SLC24A2: variants seen among roughly 807,000 people sequenced by gnomAD.
SLC24A2 encodes solute carrier family 24 member 2, also known as sodium/potassium/calcium exchanger 2.
SLC24A2 carries 36 observed loss-of-function variants against 62.0 expected under a neutral mutation model. The observed-to-expected ratio is 0.58, with a 90% CI of 0.44 to 0.77. SLC24A2 has a LOEUF of 0.77. SLC24A2 is among the 30% of genes least tolerant of loss of function. SLC24A2 has a pLI of 0.00. For missense variants in SLC24A2, 846 were observed against 817.9 expected, an observed-to-expected ratio of 1.03 and a Z score of -0.42; for synonymous variants, 358 against 294.0, an observed-to-expected ratio of 1.22 and a Z score of -2.23.
chr9:20,277,290 G>C, the SLC24A2 span, among the ~76,000 whole-genome samples: 2 of 152,052 alleles, frequency 1.3e-5, no homozygotes, highest in East Asian at 3.8e-4. Context: ...CCATCAGAGT[G>C]AACAGGCAAC....
rs761922161 is a variant in SLC24A2 at position 19,786,611 on chromosome 9, T to C, written c.256A>G (p.Thr86Ala). Reference sequence around the variant, plus strand: ...ATCTTGTCATTTAAATCTAAGAGAGTTCTCTGATGGTAACCCTGTGCTACC... The same window carrying C: ...ATCTTGTCATTTAAATCTAAGAGAGCTCTCTGATGGTAACCCTGTGCTACC... ...PRVAQGYHQRTLLDLNDKILD... is the reference protein window; with the variant it reads ...PRVAQGYHQRALLDLNDKILD... The change falls in exon 2 of 11, where the codon ACT (threonine) becomes GCT (alanine). Residue 86 changes from threonine (T) to alanine (A), a missense_variant. By Grantham distance (58) the Thr-to-Ala change is moderately conservative (BLOSUM62 0). Transcript: ENST00000341998. The surrounding 1 kb of genome is among the most constrained non-coding windows in gnomAD (Gnocchi z 5.0). 1 of 1,613,976 alleles carries C rather than the reference T, an allele frequency of 6.2e-7. No individual in the cohort carries two copies.
chr9:19,957,314 A>C, the SLC24A2 span: 1 of 152,318 alleles, frequency 6.6e-6, no homozygotes, highest in African/African-American at 2.4e-5. Flanking sequence ...TAAGATGAAA[A>C]AGGAGTAGCG....
chr9:20,271,323 T>C, the SLC24A2 span, among the ~76,000 whole-genome samples: 1 of 152,238 alleles, frequency 6.6e-6, no homozygotes, highest in African/African-American at 2.4e-5. Context: ...CACCAACAGA[T>C]GTCTGGGGAG....
chr9:20,061,951 C>T, the SLC24A2 span, among the ~76,000 whole-genome samples: 1 of 152,118 alleles, frequency 6.6e-6, no homozygotes, highest in Middle Eastern at 3.2e-3. Context: ...AGCCTTGTAT[C>T]TAGCCTGAGC....
chr9:19,540,362 T>G (rs1834190252), intron 8 of SLC24A2, among the ~76,000 whole-genome samples: 1 of 145,816 alleles, frequency 6.9e-6, no homozygotes, highest in Non-Finnish European at 1.5e-5. Context: ...CCTTTCCATG[T>G]TTAGTGCTTC....
the SLC24A2 span, among the ~76,000 whole-genome samples, chr9:19,828,012 G>A: frequency 7.2e-5 from 11 of 152,140 alleles, no homozygotes; most frequent in Non-Finnish European, 1.0e-4. Flanking sequence ...AGAAAGCAGC[G>A]AGGGATTAAT....
intron 2 of SLC24A2, among the ~76,000 whole-genome samples, chr9:19,684,052 C>A (rs1234327291): frequency 6.6e-6 from 1 of 152,108 alleles, no homozygotes; most frequent in African/African-American, 2.4e-5. Flanking sequence ...GAAAGAAAAT[C>A]AAGAATTGGG....
intron 2 of SLC24A2, chr9:19,705,603 C>A: frequency 4.4e-6 from 1 of 229,026 alleles, no homozygotes. Context: ...AGCCACAGCT[C>A]AAAAGGCAAA....
chr9:19,828,240 T>C, the SLC24A2 span, among the ~76,000 whole-genome samples: 1 of 152,104 alleles, frequency 6.6e-6, no homozygotes, highest in East Asian at 1.9e-4. Context: ...TGACCATCGT[T>C]TGCAATAATT....
chr9:19,633,345 A>T (rs1184902181), intron 2 of SLC24A2, among the ~76,000 whole-genome samples: 1 of 152,214 alleles, frequency 6.6e-6, no homozygotes, highest in Non-Finnish European at 1.5e-5. Flanking sequence ...ATACAATAAG[A>T]CCATGCTTTT....
At chr9:19,661,756 G>A (rs1819108369) in intron 2 of SLC24A2, among the ~76,000 whole-genome samples, 1 of 152,162 alleles carries the variant, frequency 6.6e-6, no homozygotes, top group Non-Finnish European at 1.5e-5. Flanking sequence ...CATCAAAAAT[G>A]ACAGATTAGG....
chr9:20,283,920 G>T, the SLC24A2 span, among the ~76,000 whole-genome samples: 24 of 152,144 alleles, frequency 1.6e-4, no homozygotes, highest in South Asian at 4.2e-4. Context: ...TCCTTTTTCC[G>T]GTGGCATGTG....
the SLC24A2 span, among the ~76,000 whole-genome samples, chr9:20,177,880 C>T: frequency 2.0e-5 from 3 of 152,068 alleles, no homozygotes; most frequent in African/African-American, 4.8e-5. Flanking sequence ...AAAACTGAGT[C>T]ACTGAGAAAT....
At chr9:20,077,499 C>T in the SLC24A2 span, among the ~76,000 whole-genome samples, 7 of 152,088 alleles carry the variant, frequency 4.6e-5, no homozygotes, top group African/African-American at 9.7e-5. Context: ...ACCTCACAGT[C>T]GGCGCTCTAC....
chr9:20,097,891 C>CTACAG, the SLC24A2 span, among the ~76,000 whole-genome samples: 2 of 151,276 alleles, frequency 1.3e-5, no homozygotes, highest in Admixed American at 1.3e-4. Context: ...TACAGGCGCT[C>CTACAG]GACACCACGC....
the SLC24A2 span, among the ~76,000 whole-genome samples, chr9:20,102,367 T>G: frequency 6.6e-6 from 1 of 151,840 alleles, no homozygotes; most frequent in Non-Finnish European, 1.5e-5. Flanking sequence ...CTGGAAACCA[T>G]CATTCTCAGC....
the SLC24A2 span, chr9:19,895,904 C>T: frequency 6.2e-7 from 1 of 1,613,498 alleles, no homozygotes; most frequent in Non-Finnish European, 8.5e-7. Flanking sequence ...CGGGCAGGGT[C>T]AAATTCTAAC....
At chr9:19,732,356 T>C (rs1821365415) in intron 2 of SLC24A2, among the ~76,000 whole-genome samples, 1 of 152,172 alleles carries the variant, frequency 6.6e-6, no homozygotes, top group African/African-American at 2.4e-5. Flanking sequence ...AATGTCATAG[T>C]GGCCTGAGAC....
the SLC24A2 span, among the ~76,000 whole-genome samples, chr9:20,209,259 A>T: frequency 0.98 from 149,970 of 152,344 alleles, 73,851 homozygotes; most frequent in South Asian, 1. Context: ...TAACTACTTG[A>T]TTAGCATGTT....
Sources: allele counts gnomAD v4.1 joint callset (sites outside exome capture counted in the v4.1 genomes callset), GRCh38; gene constraint gnomAD v4.1.1; non-coding constraint Gnocchi (gnomAD v3.1); transcripts MANE v1.5; gene names NCBI Gene and HGNC (gene_info 2026-07-23, HGNC 2026-07-21).